Variants in EDIL3 observed in about 807,000 individuals in gnomAD.
EDIL3 encodes EGF-like repeat and discoidin I-like domain-containing protein 3.
A neutral mutation model predicts 67.4 loss-of-function variants in EDIL3; 37 were observed. The ratio of observed to expected loss-of-function variants is 0.55; its 90% CI spans 0.42 to 0.72. The LOEUF (loss-of-function observed/expected upper bound fraction) is 0.72, where lower values mean the gene tolerates loss of function less well. EDIL3 is among the 30% of genes least tolerant of loss of function. The probability of loss-of-function intolerance (pLI) is 0.00; values close to 1 mark genes in which losing one functional copy is unlikely to be tolerated. For synonymous variants in EDIL3, 195 were observed against 196.3 expected (o/e 0.99, Z 0.05); for missense variants, 527 against 586.3 (o/e 0.90, Z 1.04).
chr5:84,161,177 CT>C (rs576818073), intron 4 of EDIL3, among the ~76,000 whole-genome samples: 178 of 152,036 alleles, frequency 1.2e-3, no homozygotes, highest in African/African-American at 3.4e-3. Context: ...GACTTTGTTC[CT>C]TTTTTATGTC....
At chr5:84,257,838 G>C (rs1356894003) in intron 1 of EDIL3, among the ~76,000 whole-genome samples, 1 of 152,092 alleles carries the variant, frequency 6.6e-6, no homozygotes, top group Non-Finnish European at 1.5e-5. Flanking sequence ...GAGGGGATGA[G>C]AGCAAAGAGA....
chr5:84,210,192 T>C (rs1390887398), intron 3 of EDIL3, among the ~76,000 whole-genome samples: 1 of 152,214 alleles, frequency 6.6e-6, no homozygotes, highest in Non-Finnish European at 1.5e-5. Flanking sequence ...TAATCTACTA[T>C]AGTAAATATT....
intron 1 of EDIL3, among the ~76,000 whole-genome samples, chr5:84,347,728 T>C (rs374925942): frequency 6.6e-6 from 1 of 152,248 alleles, no homozygotes; most frequent in Non-Finnish European, 1.5e-5. Flanking sequence ...AGCTGTATTT[T>C]CCTTGAAGGT....
At chr5:84,053,032 C>T (rs944336310) in intron 9 of EDIL3, among the ~76,000 whole-genome samples, 5 of 152,124 alleles carry the variant, frequency 3.3e-5, no homozygotes, top group Non-Finnish European at 7.4e-5. Flanking sequence ...ACCACACCTA[C>T]TCCAAAATTG....
At chr5:83,993,831 T>A (rs369264447) in intron 9 of EDIL3, among the ~76,000 whole-genome samples, 1 of 152,178 alleles carries the variant, frequency 6.6e-6, no homozygotes, top group South Asian at 2.1e-4. Context: ...TGAGTCTTCC[T>A]CTCTGCCCTC....
intron 6 of EDIL3, among the ~76,000 whole-genome samples, chr5:84,104,560 T>C (rs1747424607): frequency 6.6e-6 from 1 of 152,044 alleles, no homozygotes; most frequent in South Asian, 2.1e-4. Context: ...CACTCTAATA[T>C]AAAACCTTTC....
intron 1 of EDIL3, among the ~76,000 whole-genome samples, chr5:84,260,548 T>C (rs1161937460): frequency 6.6e-6 from 1 of 152,218 alleles, no homozygotes; most frequent in African/African-American, 2.4e-5. Flanking sequence ...AGTAAACATC[T>C]ACTGAACATA....
Position 84,197,683 on chromosome 5 carries a change from A to C in EDIL3, c.227-17162T>G, listed in dbSNP as rs200893790. Reference sequence around the variant, plus strand: ...AAAAAAAAAAAAGCAAACAAACAAAAAAAAAGTTAAGCATAGCTAAATTTG... The same window carrying C: ...AAAAAAAAAAAAGCAAACAAACAAACAAAAAGTTAAGCATAGCTAAATTTG... On this transcript the variant is annotated intron_variant, in intron 3 of 10. Coordinates refer to ENST00000296591, the MANE Select transcript of EDIL3 (RefSeq NM_005711.5). Among the ~76,000 whole-genome samples the C allele has an allele frequency of 1.5e-4, 23 of 152,004 alleles. No individual in the cohort carries two copies. The East Asian group carries it at 2.5e-3, about 17-fold the overall frequency.
chr5:84,335,769 G>C (rs1746973768), intron 1 of EDIL3, among the ~76,000 whole-genome samples: 1 of 152,154 alleles, frequency 6.6e-6, no homozygotes, highest in Non-Finnish European at 1.5e-5. Flanking sequence ...GTCTCAGTCT[G>C]TTTATGCTGC....
intron 1 of EDIL3, among the ~76,000 whole-genome samples, chr5:84,266,086 G>T (rs1416174336): frequency 6.6e-6 from 1 of 152,130 alleles, no homozygotes; most frequent in Non-Finnish European, 1.5e-5. Flanking sequence ...TTAGGAAGTG[G>T]GGTTTTGTTA....
chr5:84,379,938 TGCTGGTGAGG>T (rs1748040925), intron 1 of EDIL3, among the ~76,000 whole-genome samples: 1 of 152,086 alleles, frequency 6.6e-6, no homozygotes, highest in Non-Finnish European at 1.5e-5. Flanking sequence ...TCCTGACATC[TGCTGGTGAGG>T]GCACAGTTGA....
intron 6 of EDIL3, among the ~76,000 whole-genome samples, chr5:84,073,479 G>A (rs2112248635): frequency 6.6e-6 from 1 of 152,260 alleles, no homozygotes; most frequent in East Asian, 1.9e-4. Context: ...TCCTTAAGCT[G>A]ATAAGCAACT....
intron 6 of EDIL3, among the ~76,000 whole-genome samples, chr5:84,099,269 CCAA>C (rs1404703728): frequency 1.3e-5 from 2 of 152,004 alleles, no homozygotes; most frequent in African/African-American, 4.8e-5. Context: ...TCATACAGAA[CCAA>C]AAAAAGCCTG....
chr5:84,027,693 CTTA>C (rs1745841025), intron 9 of EDIL3, among the ~76,000 whole-genome samples: 1 of 151,698 alleles, frequency 6.6e-6, no homozygotes, highest in Non-Finnish European at 1.5e-5. Flanking sequence ...TAGCGAAGTG[CTTA>C]TTATACAGGA....
At chr5:84,315,090 T>G (rs2112148152) in intron 1 of EDIL3, among the ~76,000 whole-genome samples, 1 of 152,268 alleles carries the variant, frequency 6.6e-6, no homozygotes. Flanking sequence ...CAAATTGATC[T>G]ATTTCCAGTG....
intron 5 of EDIL3, among the ~76,000 whole-genome samples, chr5:84,121,438 C>T (rs909116775): frequency 2.0e-5 from 3 of 151,922 alleles, no homozygotes; most frequent in Admixed American, 1.3e-4. Context: ...ACTGCCAGTA[C>T]TACCGCCTCC....
At chr5:84,196,583 G>T (rs901496838) in intron 3 of EDIL3, among the ~76,000 whole-genome samples, 1 of 151,964 alleles carries the variant, frequency 6.6e-6, no homozygotes, top group African/African-American at 2.4e-5. Flanking sequence ...GAATGTAATT[G>T]ATGTGAGGAC....
intron 9 of EDIL3, among the ~76,000 whole-genome samples, chr5:83,996,834 G>A (rs6452558): frequency 0.13 from 19,756 of 152,152 alleles, 3,230 homozygotes; most frequent in African/African-American, 0.39. Flanking sequence ...CATTGTCTAG[G>A]AGCAACTGAT....
At chr5:83,969,260 C>T (rs1744750358) in intron 9 of EDIL3, among the ~76,000 whole-genome samples, 1 of 151,612 alleles carries the variant, frequency 6.6e-6, no homozygotes, top group South Asian at 2.1e-4. Flanking sequence ...TCCCTCTATC[C>T]TCAATTTTTC....
Sources: allele counts gnomAD v4.1 joint callset (sites outside exome capture counted in the v4.1 genomes callset), GRCh38; gene constraint gnomAD v4.1.1; transcripts MANE v1.5; gene names NCBI Gene and HGNC (gene_info 2026-07-23, HGNC 2026-07-21).